The following PLN variants were observed in gnomAD, a reference collection of about 807,000 sequenced individuals.
The protein encoded by PLN is cardiac phospholamban.
A neutral mutation model predicts 3.9 loss-of-function variants in PLN; 1 was observed. That is an observed-to-expected ratio of 0.26 (90% CI 0.09 to 1.23). The LOEUF (loss-of-function observed/expected upper bound fraction) is 1.23. Among genes scored for constraint, PLN ranks in the 50% most tolerant of loss-of-function variants. PLN has a pLI of 0.48. For synonymous variants in PLN, 21 were observed against 20.5 expected (o/e 1.02, Z -0.07); for missense variants, 59 against 62.7 (o/e 0.94, Z 0.20).
Position 118,559,038 on chromosome 6 carries a change from A to G in PLN, c.117A>G (p.Leu39=), listed in dbSNP as rs776969887. The part of the protein sequence containing the change: ...QNLFINFCLI[L]ICLLLICIIV... ...TATTTATCAATTTCTGTCTCATCTT[A>G]ATATGTCTCTTGCTGATCTGTATCA... The change falls in exon 2 of 2, where the codon TTA becomes TTG. Residue 39 remains leucine (L), a synonymous_variant. Transcript: ENST00000357525. The G allele has an allele frequency of 2.5e-6, 4 of 1,611,244 alleles. No homozygotes were observed. The South Asian group carries it at 4.4e-5, about 18-fold the overall frequency.
chr6:118,559,542 G>A lies in PLN; in HGVS notation c.*462G>A, dbSNP rs2114972389. The A allele has an allele frequency of 5.2e-6, 1 of 193,786 alleles. No individual in the cohort carries two copies. Among genetic ancestry groups the A allele is most frequent in the South Asian group, 1.2e-4 (1 of 8,680 alleles). The allele number at this position is 193,786 out of a possible 1,614,324, so 12.0% of individuals were successfully genotyped here. ...CAAGTATCAAAGTAATAACACAAAT[G>A]AAGTGTCATTATTCAAAATAGTCCA... On this transcript the variant is annotated 3_prime_UTR_variant, in exon 2 of 2. Transcript: ENST00000357525.
chr6:118,557,067 G>T (rs941978448), intron 1 of PLN, among the ~76,000 whole-genome samples: 1 of 152,116 alleles, frequency 6.6e-6, no homozygotes, highest in Admixed American at 6.5e-5. Flanking sequence ...TAATTACTAT[G>T]TGTTCCAAGC....
Position 118,560,161 on chromosome 6 carries a change from T to G in PLN, c.*1081T>G, listed in dbSNP as rs891956026. On this transcript the variant is annotated 3_prime_UTR_variant, in exon 2 of 2. Transcript: ENST00000357525. The stretch of plus-strand genomic sequence containing the variant: ...ATTTTGAAATGAACTTGTTGGCCCA[T>G]CTATTACATCTACAGCTGACCCTTG... 7.8e-5 allele frequency: 13 copies of G among 167,050 alleles called. No homozygotes were observed. The Admixed American group carries it at 7.9e-4, about 10-fold the overall frequency. The allele number at this position is 167,050 out of a possible 1,614,324, so 10.3% of individuals were successfully genotyped here.
At chr6:118,552,508 G>C (rs1447793940) in intron 1 of PLN, among the ~76,000 whole-genome samples, 1 of 151,964 alleles carries the variant, frequency 6.6e-6, no homozygotes, top group African/African-American at 2.4e-5. Flanking sequence ...GACAAAGTAA[G>C]GACTCCTGAA....
intron 1 of PLN, among the ~76,000 whole-genome samples, chr6:118,550,236 C>G (rs1015154775): frequency 5.3e-5 from 8 of 151,710 alleles, no homozygotes; most frequent in Non-Finnish European, 1.2e-4. Context: ...GGAAAATGAT[C>G]ACATTTGGGT....
chr6:118,549,063 C>G (rs556244332), intron 1 of PLN, among the ~76,000 whole-genome samples: 2 of 151,978 alleles, frequency 1.3e-5, no homozygotes, highest in African/African-American at 4.8e-5. Context: ...AATATTGTAT[C>G]ATAAAGAAGT....
At position 118,559,470 on chromosome 6, in the gene PLN, T is replaced by C; in HGVS notation, c.*390T>C. The C allele has an allele frequency of 4.0e-6, 1 of 251,472 alleles. No homozygotes were observed. 15.6% of individuals were successfully genotyped at this position (251,472 alleles called of 1,614,324 possible). A position where few individuals can be genotyped will look rare whatever the true frequency, so the allele number is the denominator to read the frequency against. The stretch of plus-strand genomic sequence containing the variant: ...CTTTTGAGGTGAATATAATTTATAT[T>C]ACAATGTAAAAGCTTCTTTAATACT... On this transcript the variant is annotated 3_prime_UTR_variant, in exon 2 of 2. Coordinates refer to ENST00000357525, the MANE Select transcript of PLN (RefSeq NM_002667.5).
At chr6:118,550,278 GAAAT>G (rs987971013) in intron 1 of PLN, among the ~76,000 whole-genome samples, 5 of 151,610 alleles carry the variant, frequency 3.3e-5, no homozygotes, top group African/African-American at 1.2e-4. Flanking sequence ...GTGAGATTAA[GAAAT>G]AATAAAATAT....
chr6:118,553,215 T>TAAAAAAAAAAA (rs59502810), intron 1 of PLN, among the ~76,000 whole-genome samples: 1 of 138,942 alleles, frequency 7.2e-6, no homozygotes, highest in African/African-American at 2.6e-5. Context: ...GTTAAGAAAT[T>TAAAAAAAAAAA]AAAAAAAAAA....
At chr6:118,556,215 A>G (rs953897958) in intron 1 of PLN, among the ~76,000 whole-genome samples, 1 of 152,162 alleles carries the variant, frequency 6.6e-6, no homozygotes. Flanking sequence ...ATAAGCTGCT[A>G]TTTTCTAAGT....
At chr6:118,555,213 C>T (rs9481826) in intron 1 of PLN, among the ~76,000 whole-genome samples, 24,909 of 151,966 alleles carry the variant, frequency 0.16, 2,195 homozygotes, top group Non-Finnish European at 0.19. Context: ...GGGTGGATCA[C>T]GAGGTCGGGA....
intron 1 of PLN, among the ~76,000 whole-genome samples, chr6:118,548,624 G>C (rs1364590429): frequency 6.6e-6 from 1 of 151,932 alleles, no homozygotes; most frequent in African/African-American, 2.4e-5. Context: ...TTTGATCCTG[G>C]TTACTGGTTT....
intron 1 of PLN, among the ~76,000 whole-genome samples, chr6:118,554,407 A>G (rs1360234521): frequency 6.6e-6 from 1 of 152,158 alleles, no homozygotes; most frequent in East Asian, 1.9e-4. Context: ...TAGGCCTTCC[A>G]AAGTGTTGGA....
Position 118,559,778 on chromosome 6 carries a change from T to G in PLN, c.*698T>G, listed in dbSNP as rs969560571. 4 of 168,212 alleles carry G rather than the reference T, an allele frequency of 2.4e-5. No individual in the cohort carries two copies. The highest frequency in any genetic ancestry group is 9.6e-5 in the African/African-American group (4 of 41,594). 10.4% of individuals were successfully genotyped at this position (168,212 alleles called of 1,614,324 possible). On this transcript the variant is annotated 3_prime_UTR_variant, in exon 2 of 2. Coordinates refer to ENST00000357525, the MANE Select transcript of PLN (RefSeq NM_002667.5). ...CAAAGAATCACAGAATTCTAGTACA[T>G]GTAGGTAAATCATAAATCTGTTCTA...
rs1660951306 is a variant in PLN, at chr6:118,559,482, G to T, written c.*402G>T. 2 of 232,764 alleles carry T rather than the reference G, an allele frequency of 8.6e-6. No homozygotes were observed. 14.4% of individuals were successfully genotyped at this position (232,764 alleles called of 1,614,324 possible). A position where few individuals can be genotyped will look rare whatever the true frequency, so the allele number is the denominator to read the frequency against. On this transcript the variant is annotated 3_prime_UTR_variant, in exon 2 of 2. Coordinates refer to ENST00000357525, the MANE Select transcript of PLN (RefSeq NM_002667.5). Reference sequence around the variant, plus strand: ...ATATAATTTATATTACAATGTAAAAGCTTCTTTAATACTAAGTATTTTTCA... The same window carrying T: ...ATATAATTTATATTACAATGTAAAATCTTCTTTAATACTAAGTATTTTTCA...
intron 1 of PLN, 142 bp from the exon 2 acceptor site, chr6:118,558,682 GA>G (rs1187818301): frequency 1.5e-5 from 8 of 533,548 alleles, no homozygotes; most frequent in African/African-American, 5.8e-5. Context: ...GAGAGAGAGA[GA>G]GAGAGGGAGA....
chr6:118,557,085 T>C (rs1334318587), intron 1 of PLN, among the ~76,000 whole-genome samples: 1 of 152,192 alleles, frequency 6.6e-6, no homozygotes, highest in East Asian at 1.9e-4. Flanking sequence ...AGCTTGACAG[T>C]CTTCAGTACT....
intron 1 of PLN, among the ~76,000 whole-genome samples, chr6:118,555,688 G>A (rs1778821335): frequency 6.6e-6 from 1 of 152,128 alleles, no homozygotes; most frequent in South Asian, 2.1e-4. Context: ...GGGTATGTGT[G>A]AAGGTTTGTT....
chr6:118,550,358 T>G (rs1052925197), intron 1 of PLN, among the ~76,000 whole-genome samples: 5 of 151,794 alleles, frequency 3.3e-5, no homozygotes, highest in African/African-American at 9.7e-5. Flanking sequence ...TCATTACACA[T>G]GTACACTAAA....
Sources: gnomAD v4.1 joint callset for allele counts (sites outside exome capture counted in the v4.1 genomes callset) on GRCh38, gnomAD v4.1.1 for gene constraint, MANE v1.5 for transcripts, NCBI Gene and HGNC (gene_info 2026-07-23, HGNC 2026-07-21) for gene names.